DMD: variants seen among roughly 807,000 people sequenced by gnomAD.
DMD encodes the protein dystrophin.
A neutral mutation model predicts 330.1 loss-of-function variants in DMD; 63 were observed. The observed-to-expected ratio is 0.19, with a 90% CI of 0.16 to 0.24. The LOEUF is 0.24. DMD is among the 10% of genes least tolerant of loss of function. DMD has a pLI of 1.00. For missense variants in DMD, 3,344 were observed against 2,684.1 expected, an observed-to-expected ratio of 1.25 and a Z score of -5.43; for synonymous variants, 1,223 against 959.8, an observed-to-expected ratio of 1.27 and a Z score of -5.07.
At chrX:32,779,329 T>A (rs1321945158) in intron 7 of DMD, among the ~76,000 whole-genome samples, 1 of 110,132 alleles carries the variant, frequency 9.1e-6, no homozygotes, top group African/African-American at 3.3e-5. Context: ...ACCTAATATT[T>A]ATATTAATAT....
At chrX:31,532,235 A>G (rs1482988835) in intron 55 of DMD, among the ~76,000 whole-genome samples, 1 of 95,962 alleles carries the variant, frequency 1.0e-5, no homozygotes, top group Admixed American at 1.3e-4. Flanking sequence ...AGCCAGAGAG[A>G]AAGGTCGAGT....
intron 4 of DMD, among the ~76,000 whole-genome samples, chrX:32,839,027 G>A (rs1395266223): frequency 8.9e-6 from 1 of 111,775 alleles, no homozygotes; most frequent in Non-Finnish European, 1.9e-5. Flanking sequence ...AACTATTACT[G>A]ATTTTTAAAA....
chrX:33,164,273 T>A (rs1297064259), intron 1 of DMD, among the ~76,000 whole-genome samples: 2 of 112,160 alleles, frequency 1.8e-5, no homozygotes, highest in African/African-American at 3.2e-5. Flanking sequence ...ATAAATATTT[T>A]AAAAATATAT....
At chrX:32,733,634 G>A (rs1355922911) in intron 7 of DMD, among the ~76,000 whole-genome samples, 3 of 111,532 alleles carry the variant, frequency 2.7e-5, no homozygotes. Context: ...CAACTACATG[G>A]AAACTGAACA....
intron 55 of DMD, among the ~76,000 whole-genome samples, chrX:31,558,135 G>C (rs1351125394): frequency 1.8e-5 from 2 of 112,208 alleles, no homozygotes; most frequent in Admixed American, 9.4e-5. Context: ...ACATTAGGGT[G>C]GAATGAAGAG....
chrX:33,296,471 A>C (rs2053585742), intron 1 of DMD, among the ~76,000 whole-genome samples: 1 of 111,074 alleles, frequency 9.0e-6, no homozygotes, highest in South Asian at 3.7e-4. Context: ...AAAGAAAAAA[A>C]TAAGAGGTTT....
At chrX:32,583,400 G>A (rs1007021549) in intron 13 of DMD, among the ~76,000 whole-genome samples, 4 of 111,592 alleles carry the variant, frequency 3.6e-5, no homozygotes, top group African/African-American at 1.3e-4. Context: ...TCAGGAGGTT[G>A]AGGCAGGAGA....
intron 43 of DMD, among the ~76,000 whole-genome samples, chrX:32,272,995 C>T (rs1012180230): frequency 2.2e-4 from 25 of 111,441 alleles, no homozygotes; most frequent in Non-Finnish European, 4.1e-4. Flanking sequence ...TAAGTAGGAG[C>T]GCTATGACAA....
chrX:33,320,950 C>A (rs978565364), intron 1 of DMD, among the ~76,000 whole-genome samples: 1 of 111,826 alleles, frequency 8.9e-6, no homozygotes, highest in East Asian at 2.8e-4. Flanking sequence ...CATCCATTCA[C>A]GCTTTATTAT....
At chrX:32,528,328 CAT>C (rs2047117716) in intron 17 of DMD, among the ~76,000 whole-genome samples, 1 of 111,383 alleles carries the variant, frequency 9.0e-6, no homozygotes, top group Admixed American at 9.5e-5. Context: ...AAAAAAATAA[CAT>C]AGCTATATAT....
At chrX:33,136,595 C>T (rs2095529320) in intron 1 of DMD, among the ~76,000 whole-genome samples, 1 of 109,747 alleles carries the variant, frequency 9.1e-6, no homozygotes, top group African/African-American at 3.3e-5. Context: ...GTCATATAAG[C>T]GGAGCCCTCA....
chrX:32,359,049 T>A (rs57445410), intron 37 of DMD, among the ~76,000 whole-genome samples: 20,096 of 111,021 alleles, frequency 0.18, 1,737 homozygotes, highest in African/African-American at 0.31. Flanking sequence ...AGTAGTAATG[T>A]GCTCAGCTAG....
At chrX:32,865,815 A>G (rs777423954) in intron 2 of DMD, among the ~76,000 whole-genome samples, 6 of 112,863 alleles carry the variant, frequency 5.3e-5, no homozygotes, top group Non-Finnish European at 9.4e-5. Flanking sequence ...CAAGGAAGCC[A>G]TACTGTCCAG....
chrX:32,790,000 C>G (rs947071341), intron 7 of DMD, among the ~76,000 whole-genome samples: 23 of 111,381 alleles, frequency 2.1e-4, no homozygotes, highest in African/African-American at 6.9e-4. Context: ...TATAAAATTC[C>G]TAATAATTTA....
rs532746833 is a variant in DMD, at chrX:31,747,635, C to G, written c.7543-17887G>C. Among the ~76,000 whole-genome samples the G allele has an allele frequency of 3.6e-5, 4 of 111,420 alleles. 1 individual carries two copies. Among genetic ancestry groups the G allele is most frequent in the African/African-American group, 1.3e-4 (4 of 30,716 alleles). On this transcript the variant is annotated intron_variant, in intron 51 of 78. Coordinates refer to ENST00000357033, the MANE Select transcript of DMD (RefSeq NM_004006.3). ...GGCATAGTTCCAAGCAAACACATGG[C>G]ACAAATGAAGCCGATTCTGAGGAAT...
chrX:31,654,028 A>G (rs896311530), intron 54 of DMD, among the ~76,000 whole-genome samples: 12 of 111,908 alleles, frequency 1.1e-4, no homozygotes, highest in African/African-American at 3.2e-5. Context: ...AAAAATGATC[A>G]TATCAAAAGC....
At chrX:32,539,902 C>A (rs2048339327) in intron 17 of DMD, among the ~76,000 whole-genome samples, 1 of 111,177 alleles carries the variant, frequency 9.0e-6, no homozygotes. Flanking sequence ...GTCTGCTTAC[C>A]CTGGAGGGAA....
intron 52 of DMD, among the ~76,000 whole-genome samples, chrX:31,684,347 G>C (rs1015261797): frequency 2.7e-5 from 3 of 111,783 alleles, no homozygotes; most frequent in Non-Finnish European, 5.6e-5. Flanking sequence ...AAAAGACAAA[G>C]ATGATGCCAG....
chrX:32,236,856 A>G (rs989791917), intron 43 of DMD, among the ~76,000 whole-genome samples: 3 of 112,511 alleles, frequency 2.7e-5, no homozygotes, highest in Non-Finnish European at 3.8e-5. Flanking sequence ...TGTATTTGAC[A>G]TACAGATGTT....
Sources: gnomAD v4.1 joint callset for allele counts (sites outside exome capture counted in the v4.1 genomes callset) on GRCh38, gnomAD v4.1.1 for gene constraint, MANE v1.5 for transcripts, NCBI Gene and HGNC (gene_info 2026-07-23, HGNC 2026-07-21) for gene names.